TLCD4: variants seen among roughly 807,000 people sequenced by gnomAD.
TLCD4 encodes the protein TLC domain containing 4, also known as TLC domain-containing protein 4.
TLCD4 carries 7 observed loss-of-function variants against 24.2 expected under a neutral mutation model. That is an observed-to-expected ratio of 0.29 (90% CI 0.16 to 0.54). TLCD4 has a LOEUF of 0.54. TLCD4 is among the 20% of genes least tolerant of loss of function. The pLI, the probability that TLCD4 is intolerant of heterozygous loss-of-function variation, is 0.95. For synonymous variants in TLCD4, 103 were observed against 106.4 expected (o/e 0.97, Z 0.20); for missense variants, 259 against 313.9 (o/e 0.82, Z 1.32).
intron 5 of TLCD4, among the ~76,000 whole-genome samples, 192 bp from the exon 6 acceptor site, chr1:95,173,624 C>A (rs1324767741): frequency 1.3e-5 from 2 of 152,206 alleles, no homozygotes; most frequent in Non-Finnish European, 2.9e-5. Context: ...TTTAAAAATA[C>A]TGTAGAATTC....
At chr1:95,120,476 T>C (rs916293389) in intron 1 of TLCD4, among the ~76,000 whole-genome samples, 3 of 152,196 alleles carry the variant, frequency 2.0e-5, no homozygotes, top group African/African-American at 4.8e-5. Context: ...AAGGCAGGAA[T>C]AGCAAAAGGT....
intron 2 of TLCD4, 44 bp downstream of exon 2, chr1:95,144,100 T>A: frequency 7.5e-7 from 1 of 1,332,386 alleles, no homozygotes; most frequent in Non-Finnish European, 9.7e-7. Context: ...AACTAGTTTA[T>A]GAGATAAAAT....
upstream of TLCD4, among the ~76,000 whole-genome samples, chr1:95,113,514 T>G (rs1676377480): frequency 6.6e-6 from 1 of 152,144 alleles, no homozygotes; most frequent in African/African-American, 2.4e-5. Context: ...AGGTTATCAT[T>G]TAGGAGATGA....
intron 6 of TLCD4, among the ~76,000 whole-genome samples, chr1:95,174,684 A>T (rs375917688): frequency 2.0e-5 from 3 of 152,262 alleles, no homozygotes; most frequent in Admixed American, 2.0e-4. Flanking sequence ...GTCTGTAAAA[A>T]ATTTATTTTT....
chr1:95,177,935 CTT>C (rs200257933), intron 6 of TLCD4, among the ~76,000 whole-genome samples: 6 of 130,316 alleles, frequency 4.6e-5, no homozygotes, highest in Admixed American at 7.8e-5. Flanking sequence ...TTTTTCTTTT[CTT>C]TTTTTTTTTT....
the TLCD4 span, among the ~76,000 whole-genome samples, chr1:95,111,456 C>A: frequency 3.3e-5 from 5 of 152,094 alleles, no homozygotes; most frequent in Middle Eastern, 6.8e-3. Context: ...TATGGAACGA[C>A]CAGAGGTGTT....
intron 5 of TLCD4, among the ~76,000 whole-genome samples, chr1:95,158,121 A>G (rs911406313): frequency 1.3e-5 from 2 of 151,772 alleles, no homozygotes; most frequent in African/African-American, 4.8e-5. Flanking sequence ...GTTGTCACTC[A>G]GTTCCTTTTA....
At chr1:95,098,721 T>C in the TLCD4 span, among the ~76,000 whole-genome samples, 1 of 152,196 alleles carries the variant, frequency 6.6e-6, no homozygotes, top group African/African-American at 2.4e-5. Context: ...TCTCAGTGGC[T>C]GTATCATCTT....
At chr1:95,131,409 C>T (rs1000318959) in intron 1 of TLCD4, among the ~76,000 whole-genome samples, 1 of 152,110 alleles carries the variant, frequency 6.6e-6, no homozygotes, top group Non-Finnish European at 1.5e-5. Flanking sequence ...GCCATGTTAG[C>T]TGGAATGCAG....
intron 1 of TLCD4, among the ~76,000 whole-genome samples, chr1:95,120,586 G>A (rs549935695): frequency 1.3e-5 from 2 of 152,346 alleles, no homozygotes; most frequent in South Asian, 4.1e-4. Context: ...TTTGAAAACA[G>A]CCAACGAAGA....
intron 5 of TLCD4, among the ~76,000 whole-genome samples, chr1:95,158,970 G>A (rs959876198): frequency 2.6e-5 from 4 of 152,094 alleles, no homozygotes; most frequent in Admixed American, 6.6e-5. Context: ...GTAAACATAC[G>A]TGTGCGTGTG....
At chr1:95,094,732 C>T in the TLCD4 span, among the ~76,000 whole-genome samples, 1 of 152,152 alleles carries the variant, frequency 6.6e-6, no homozygotes, top group African/African-American at 2.4e-5. Flanking sequence ...CTAAATCCAG[C>T]CCAAATACTG....
At chr1:95,104,323 T>G in the TLCD4 span, among the ~76,000 whole-genome samples, 2 of 152,150 alleles carry the variant, frequency 1.3e-5, no homozygotes, top group Admixed American at 6.5e-5. Flanking sequence ...TAGGATGGTG[T>G]TGTGTACTGA....
At chr1:95,101,415 G>GTA in the TLCD4 span, among the ~76,000 whole-genome samples, 1 of 19,300 alleles carries the variant, frequency 5.2e-5, no homozygotes. Flanking sequence ...ATTAAAGTGT[G>GTA]TGTGTGTGTG....
chr1:95,130,922 T>C (rs1676872184), intron 1 of TLCD4, among the ~76,000 whole-genome samples: 2 of 152,232 alleles, frequency 1.3e-5, no homozygotes, highest in African/African-American at 2.4e-5. Flanking sequence ...CAGTATACTT[T>C]CATGCGGTAA....
chr1:95,144,722 G>A (rs1251079712), intron 2 of TLCD4, among the ~76,000 whole-genome samples: 2 of 151,494 alleles, frequency 1.3e-5, no homozygotes, highest in Non-Finnish European at 2.9e-5. Flanking sequence ...ACAGAGTCCC[G>A]TTCTGTCGCC....
the TLCD4 span, among the ~76,000 whole-genome samples, chr1:95,101,854 A>AGT: frequency 6.6e-6 from 1 of 152,198 alleles, no homozygotes; most frequent in Non-Finnish European, 1.5e-5. Context: ...AGGAAAAGAC[A>AGT]GTGTGTGTGT....
chr1:95,147,219 G>T (rs1677379099), intron 2 of TLCD4, among the ~76,000 whole-genome samples: 1 of 151,878 alleles, frequency 6.6e-6, no homozygotes, highest in African/African-American at 2.4e-5. Context: ...GATTACAGGT[G>T]TGTACCACCA....
the TLCD4 span, among the ~76,000 whole-genome samples, chr1:95,096,918 T>C: frequency 0.014 from 2,185 of 152,288 alleles, 23 homozygotes; most frequent in Middle Eastern, 0.041. Flanking sequence ...TGAGGGGAGT[T>C]AAAGAAATAC....
Sources: gnomAD v4.1 joint callset for allele counts (sites outside exome capture counted in the v4.1 genomes callset) on GRCh38, gnomAD v4.1.1 for gene constraint, MANE v1.5 for transcripts, NCBI Gene and HGNC (gene_info 2026-07-23, HGNC 2026-07-21) for gene names.